The following SDK1 variants were observed in gnomAD, a reference collection of about 807,000 sequenced individuals.
The protein encoded by SDK1 is sidekick cell adhesion molecule 1, also known as protein sidekick-1.
Under a neutral mutation model 245.5 loss-of-function variants are expected in SDK1, and 157 were observed. The ratio of observed to expected loss-of-function variants is 0.64; its 90% CI spans 0.56 to 0.73. SDK1 has a LOEUF of 0.73. Among genes scored for constraint, SDK1 ranks in the 30% least tolerant of loss-of-function variants. The pLI is 0.00. For synonymous variants in SDK1, 1,647 were observed against 1,278.5 expected, an observed-to-expected ratio of 1.29 and a Z score of -6.15; for missense variants, 3,583 against 3,002.3, an observed-to-expected ratio of 1.19 and a Z score of -4.52.
At chr7:3,478,322 A>C (rs1373472521) in intron 1 of SDK1, among the ~76,000 whole-genome samples, 1 of 151,940 alleles carries the variant, frequency 6.6e-6, no homozygotes, top group Non-Finnish European at 1.5e-5. Flanking sequence ...ATTTTTTGAG[A>C]TAGATTCACT....
intron 13 of SDK1, among the ~76,000 whole-genome samples, chr7:3,978,450 C>G (rs1054271908): frequency 5.3e-5 from 8 of 152,202 alleles, no homozygotes; most frequent in Admixed American, 5.2e-4. Context: ...ATATAGAAAT[C>G]TCTGCAAATT....
intron 1 of SDK1, among the ~76,000 whole-genome samples, chr7:3,460,781 G>C (rs1161897427): frequency 6.6e-6 from 1 of 152,136 alleles, no homozygotes; most frequent in East Asian, 1.9e-4. Context: ...TTATAAATTG[G>C]AGAATGAATG....
At chr7:4,127,527 TTAAA>T (rs1562849900) in intron 26 of SDK1, 31 bp downstream of exon 26, 4 of 1,516,708 alleles carry the variant, frequency 2.6e-6, no homozygotes, top group African/African-American at 2.7e-5. Flanking sequence ...CTCCCTTTGC[TTAAA>T]GAGTGGGCTG....
rs150663755 is a variant in SDK1 at position 3,415,977 on chromosome 7, T to C, written c.298+114093T>C. 4.9e-3 allele frequency among the ~76,000 whole-genome samples: 739 copies of C among 152,262 alleles called. 11 individuals carry two copies. The highest frequency in any genetic ancestry group is 0.017 in the African/African-American group (698 of 41,560). On this transcript the variant is annotated intron_variant, in intron 1 of 44. Transcript: ENST00000404826. ...ATATTCTGTTAGTGTTGTCATAATATGAGGCTTGCAATTACCAGAGCAGTT... is the reference window on the plus strand; with the variant it reads ...ATATTCTGTTAGTGTTGTCATAATACGAGGCTTGCAATTACCAGAGCAGTT...
chr7:4,023,185 G>A (rs545980858), intron 17 of SDK1, among the ~76,000 whole-genome samples: 7 of 152,098 alleles, frequency 4.6e-5, no homozygotes, highest in Non-Finnish European at 8.8e-5. Context: ...GGACACATGG[G>A]GATTACTTAA....
intron 1 of SDK1, among the ~76,000 whole-genome samples, chr7:3,541,385 G>A (rs1432963427): frequency 6.6e-6 from 1 of 152,164 alleles, no homozygotes; most frequent in African/African-American, 2.4e-5. Flanking sequence ...TAAGCCATAC[G>A]CTGGTCATTG....
At chr7:3,388,940 A>G (rs1393211500) in intron 1 of SDK1, among the ~76,000 whole-genome samples, 1 of 152,204 alleles carries the variant, frequency 6.6e-6, no homozygotes, top group African/African-American at 2.4e-5. Flanking sequence ...ATGAGAGAAT[A>G]CAATTAATAG....
intron 14 of SDK1, among the ~76,000 whole-genome samples, chr7:4,000,680 T>C (rs1461443405): frequency 1.3e-5 from 2 of 152,236 alleles, no homozygotes; most frequent in Non-Finnish European, 2.9e-5. Flanking sequence ...TTGTGCTGTT[T>C]TGCTTGCCAA....
intron 14 of SDK1, among the ~76,000 whole-genome samples, chr7:3,994,112 T>C (rs1166984291): frequency 6.6e-6 from 1 of 152,178 alleles, no homozygotes; most frequent in East Asian, 1.9e-4. Context: ...CACACACTGG[T>C]CTTCTTATCA....
chr7:3,340,141 A>G (rs184570291), intron 1 of SDK1, among the ~76,000 whole-genome samples: 6 of 152,092 alleles, frequency 3.9e-5, no homozygotes, highest in Non-Finnish European at 4.4e-5. Flanking sequence ...TTTTCTCAAA[A>G]ACTAAAACTT....
At chr7:3,785,251 G>A (rs969637189) in intron 4 of SDK1, among the ~76,000 whole-genome samples, 5 of 152,042 alleles carry the variant, frequency 3.3e-5, no homozygotes, top group Admixed American at 3.3e-4. Flanking sequence ...TCAGGCAAGA[G>A]GAATTTTTTT....
chr7:4,125,327 G>A (rs1041089282), intron 25 of SDK1, among the ~76,000 whole-genome samples: 1 of 149,868 alleles, frequency 6.7e-6, no homozygotes, highest in African/African-American at 2.5e-5. Flanking sequence ...ATGGGTGAAT[G>A]GATGGATGAA....
At chr7:3,602,127 A>G (rs62437876) in intron 1 of SDK1, among the ~76,000 whole-genome samples, 34,306 of 151,004 alleles carry the variant, frequency 0.23, 4,109 homozygotes, top group South Asian at 0.3. Context: ...GAATAGTGCT[A>G]CAATAAACAT....
At chr7:4,185,082 C>G (rs73674221) in intron 35 of SDK1, among the ~76,000 whole-genome samples, 14,116 of 152,262 alleles carry the variant, frequency 0.093, 736 homozygotes, top group Middle Eastern at 0.16. Flanking sequence ...GAGATGTCAT[C>G]TCTACCTGGA....
At position 3,756,844 on chromosome 7, in the gene SDK1, G is replaced by T. The variant is rs557915237; in HGVS notation, c.714-64606G>T. On this transcript the variant is annotated intron_variant, in intron 4 of 44. Transcript: ENST00000404826. Reference sequence around the variant, plus strand: ...GATTTTGGGGAAGAATCCCACAGGGGTAAAGGACCCTTTTGATGATATCAT... The same window carrying T: ...GATTTTGGGGAAGAATCCCACAGGGTTAAAGGACCCTTTTGATGATATCAT... 2.0e-5 allele frequency among the ~76,000 whole-genome samples: 3 copies of T among 152,252 alleles called. No homozygotes were observed. In the South Asian group the frequency reaches 6.2e-4, roughly 32 times the overall value.
rs1381620580 is a variant in SDK1, at chr7:4,114,037, C to G, written c.3586C>G (p.Pro1196Ala). ...SETSLRLRWV[P>A]LPDSQYNGNP... ...ATCGCGACTCCTCGTTCCTTCCTAG[C>G]CCCTGCCGGATTCTCAGTACAACGG... Residue 1196 changes from proline to alanine, a missense_variant and splice_region_variant, in exon 25 of 45, where the codon CCC becomes GCC. By Grantham distance (27) the Pro-to-Ala change is conservative. Transcript: ENST00000404826. The G allele has an allele frequency of 1.9e-6, 3 of 1,613,594 alleles. No homozygotes were observed. The highest frequency in any genetic ancestry group is 4.5e-5 in the East Asian group (2 of 44,870).
intron 1 of SDK1, among the ~76,000 whole-genome samples, chr7:3,361,873 T>A (rs1010528770): frequency 1.3e-5 from 2 of 152,232 alleles, no homozygotes; most frequent in African/African-American, 4.8e-5. Context: ...AAGTAAGCCA[T>A]ATGCACAACC....
chr7:3,884,225 C>A (rs1173399312), intron 5 of SDK1, among the ~76,000 whole-genome samples: 4 of 151,816 alleles, frequency 2.6e-5, no homozygotes, highest in African/African-American at 4.8e-5. Flanking sequence ...GGATTACAGG[C>A]GTGAGCCACT....
intron 4 of SDK1, among the ~76,000 whole-genome samples, chr7:3,761,547 C>T (rs1453637174): frequency 7.0e-6 from 1 of 143,398 alleles, no homozygotes; most frequent in Non-Finnish European, 1.5e-5. Flanking sequence ...GAGTGAGACT[C>T]CATCTCAAAA....
Sources: allele counts gnomAD v4.1 joint callset (sites outside exome capture counted in the v4.1 genomes callset), GRCh38; gene constraint gnomAD v4.1.1; transcripts MANE v1.5; gene names NCBI Gene and HGNC (gene_info 2026-07-23, HGNC 2026-07-21).